The following SCP2 variants were observed in gnomAD, a reference collection of about 807,000 sequenced individuals.
SCP2 encodes the protein SCP-2/3-oxoacyl-CoA thiolase.
A neutral mutation model predicts 71.4 loss-of-function variants in SCP2; 48 were observed. The ratio of observed to expected loss-of-function variants is 0.67; its 90% CI spans 0.53 to 0.86. SCP2 has a LOEUF of 0.86. Ranked by LOEUF, SCP2 falls within the 40% of genes least tolerant of loss-of-function variation. The pLI is 0.00. For synonymous variants in SCP2, 220 were observed against 218.1 expected (o/e 1.01, Z -0.08); for missense variants, 560 against 655.6 (o/e 0.85, Z 1.59).
At chr1:52,967,203 A>G (rs1027556554) in intron 6 of SCP2, among the ~76,000 whole-genome samples, 6 of 152,098 alleles carry the variant, frequency 3.9e-5, no homozygotes, top group Non-Finnish European at 7.3e-5. Context: ...AAAAAAAGAA[A>G]TAGGAAGCTA....
At chr1:53,027,289 A>G (rs1358348771) in intron 12 of SCP2, among the ~76,000 whole-genome samples, 1 of 152,052 alleles carries the variant, frequency 6.6e-6, no homozygotes, top group Middle Eastern at 3.2e-3. Context: ...TCCTGAGCTC[A>G]AGCGATCTGT....
chr1:52,930,920 A>T (rs1653092239), intron 1 of SCP2, among the ~76,000 whole-genome samples: 1 of 152,204 alleles, frequency 6.6e-6, no homozygotes, highest in African/African-American at 2.4e-5. Context: ...TCTATGGGTT[A>T]TATGCTAGAG....
chr1:53,042,974 C>T (rs1423133528), intron 14 of SCP2, among the ~76,000 whole-genome samples: 1 of 152,106 alleles, frequency 6.6e-6, no homozygotes, highest in Non-Finnish European at 1.5e-5. Context: ...CTCCAGGAGG[C>T]CATCTTTGAT....
At chr1:52,948,227 C>A in intron 3 of SCP2, 147 bp downstream of exon 3, 1 of 663,920 alleles carries the variant, frequency 1.5e-6, no homozygotes, top group Non-Finnish European at 2.7e-6. Flanking sequence ...AGAAAAAAAT[C>A]TCAGAATTCA....
In SCP2 at chr1:53,037,909, C is replaced by CAGATCCAGATCCTGTCTCTAT. The variant is rs1557627619; in HGVS notation, c.1339-1007_1339-1006insGATCCAGATCCTGTCTCTATA. ...ACACACACACACACACACACACACA[C>CAGATCCAGATCCTGTCTCTAT]ACACACACACACACACACACAGATC... On this transcript the variant is annotated intron_variant, in intron 13 of 15. Transcript: ENST00000371514. Among the ~76,000 whole-genome samples the CAGATCCAGATCCTGTCTCTAT allele has an allele frequency of 3.8e-3, 495 of 129,714 alleles. 7 individuals carry two copies. Among genetic ancestry groups the CAGATCCAGATCCTGTCTCTAT allele is most frequent in the African/African-American group, 0.015 (463 of 31,864 alleles). 85.1% of individuals were successfully genotyped at this position (129,714 alleles called of 152,430 possible).
rs867778660 is a variant in SCP2, at chr1:53,037,931, G to C, written c.1339-986G>C. 2.1e-3 allele frequency among the ~76,000 whole-genome samples: 144 copies of C among 68,984 alleles called. 1 individual carries two copies. The highest frequency in any genetic ancestry group is 0.015 in the South Asian group (27 of 1,858). The allele number at this position is 68,984 out of a possible 152,430, so 45.3% of individuals were successfully genotyped here. Reference sequence around the variant, plus strand: ...ACACACACACACACACACACACACAGATCCAGATCCTGTCTCTATACACAC... The same window carrying C: ...ACACACACACACACACACACACACACATCCAGATCCTGTCTCTATACACAC... On this transcript the variant is annotated intron_variant, in intron 13 of 15. Coordinates refer to ENST00000371514, the MANE Select transcript of SCP2 (RefSeq NM_002979.5).
intron 5 of SCP2, among the ~76,000 whole-genome samples, chr1:52,957,224 T>TG (rs1655906939): frequency 6.6e-6 from 1 of 152,072 alleles, no homozygotes; most frequent in Non-Finnish European, 1.5e-5. Flanking sequence ...CCCTGGCCCC[T>TG]GGCCCCTTCT....
chr1:53,050,700 T>C lies in SCP2; in HGVS notation c.1640T>C (p.Leu547Pro), dbSNP rs1458234448. ...CAGCTTCAGCCAGGCAACGCTAAGC[T>C]CTGAAGAACTCCCTTTGGCTACTTT... ...NLQLQPGNAK[L>P] Residue 547 changes from leucine (L) to proline (P), a missense_variant, in exon 16 of 16, where the codon CTC (leucine) becomes CCC (proline). Coordinates refer to ENST00000371514, the MANE Select transcript of SCP2 (RefSeq NM_002979.5). 2 of 1,601,328 alleles carry C rather than the reference T, an allele frequency of 1.2e-6. No individual in the cohort carries two copies. The highest frequency in any genetic ancestry group is 2.2e-5 in the East Asian group (1 of 44,820).
intron 1 of SCP2, among the ~76,000 whole-genome samples, chr1:52,936,013 G>A (rs190537558): frequency 2.6e-4 from 39 of 152,058 alleles, no homozygotes; most frequent in Admixed American, 2.4e-3. Context: ...GTCACATGAT[G>A]TACTTCATAG....
At chr1:52,967,759 G>A (rs1330182852) in intron 6 of SCP2, among the ~76,000 whole-genome samples, 1 of 152,216 alleles carries the variant, frequency 6.6e-6, no homozygotes, top group Non-Finnish European at 1.5e-5. Flanking sequence ...AAAGAGCAGG[G>A]AGGCAGAGGT....
At chr1:53,043,134 G>GA (rs1663549826) in intron 14 of SCP2, among the ~76,000 whole-genome samples, 1 of 152,168 alleles carries the variant, frequency 6.6e-6, no homozygotes, top group African/African-American at 2.4e-5. Flanking sequence ...ATAGCCAAAA[G>GA]AAACAGCCAA....
chr1:52,927,993 A>G (rs1652665941), intron 1 of SCP2, among the ~76,000 whole-genome samples: 2 of 152,110 alleles, frequency 1.3e-5, no homozygotes, highest in South Asian at 2.1e-4. Flanking sequence ...CATCGCCCGC[A>G]TGCTCCTTAA....
intron 13 of SCP2, among the ~76,000 whole-genome samples, chr1:53,032,601 G>C (rs374463828): frequency 1.3e-5 from 2 of 152,308 alleles, no homozygotes; most frequent in South Asian, 2.1e-4. Context: ...GAGATGAAGA[G>C]GAAGAGAAAG....
At chr1:52,961,164 G>A (rs901661705) in intron 5 of SCP2, among the ~76,000 whole-genome samples, 1 of 149,650 alleles carries the variant, frequency 6.7e-6, no homozygotes, top group Non-Finnish European at 1.5e-5. Context: ...TGCCATGTTG[G>A]TGTGCTGCAT....
intron 11 of SCP2, among the ~76,000 whole-genome samples, chr1:52,997,592 A>G (rs995458719): frequency 3.9e-5 from 6 of 152,212 alleles, no homozygotes; most frequent in African/African-American, 1.4e-4. Context: ...GCAAATCCAT[A>G]GAGACAGAAA....
intron 12 of SCP2, among the ~76,000 whole-genome samples, chr1:53,027,582 G>T (rs1433811372): frequency 6.6e-6 from 1 of 152,044 alleles, no homozygotes; most frequent in East Asian, 1.9e-4. Context: ...TCGGCTCACT[G>T]CAACCTCCGC....
chr1:53,015,087 C>T (rs1557609771), intron 12 of SCP2, 44 bp downstream of exon 12: 1 of 1,580,770 alleles, frequency 6.3e-7, no homozygotes. Flanking sequence ...ATCCTTCTGA[C>T]TTTTCACAGT....
chr1:52,940,329 C>T lies in SCP2; in HGVS notation c.70-1467C>T, dbSNP rs865791372. The T allele has an allele frequency of 2.6e-5, 4 of 154,502 alleles. No individual in the cohort carries two copies. In the Middle Eastern group the frequency reaches 2.1e-3, roughly 81 times the overall value. The allele number at this position is 154,502 out of a possible 1,614,324, so 9.6% of individuals were successfully genotyped here. A position where few individuals can be genotyped will look rare whatever the true frequency, so the allele number is the denominator to read the frequency against. On this transcript the variant is annotated intron_variant, in intron 1 of 15. Coordinates refer to ENST00000371514, the MANE Select transcript of SCP2 (RefSeq NM_002979.5). ...AAAGGGAGCTGAGGTGGGAGGATTG[C>T]TTGAGTCAGGGTGGTTGAGGCTGCA...
chr1:52,941,364 T>A (rs1654218331), intron 1 of SCP2, among the ~76,000 whole-genome samples: 1 of 152,210 alleles, frequency 6.6e-6, no homozygotes, highest in Admixed American at 6.5e-5. Context: ...TTTTATATTA[T>A]TTATTATTAG....
Sources: gnomAD v4.1 joint callset for allele counts (sites outside exome capture counted in the v4.1 genomes callset) on GRCh38, gnomAD v4.1.1 for gene constraint, MANE v1.5 for transcripts, NCBI Gene and HGNC (gene_info 2026-07-23, HGNC 2026-07-21) for gene names.